The following KLRG1 variants were observed in gnomAD, a reference collection of about 807,000 sequenced individuals.
KLRG1 encodes killer cell lectin-like receptor subfamily G member 1.
A neutral mutation model predicts 21.8 loss-of-function variants in KLRG1; 16 were observed. The ratio of observed to expected loss-of-function variants is 0.73; its 90% CI spans 0.50 to 1.11. KLRG1 has a LOEUF of 1.11. Ranked by LOEUF, KLRG1 falls within the 50% of genes most tolerant of loss-of-function variation. The pLI, the probability that KLRG1 is intolerant of heterozygous loss-of-function variation, is 0.00. For missense variants in KLRG1, 173 were observed against 218.3 expected (o/e 0.79, Z 1.31); for synonymous variants, 69 against 75.9 (o/e 0.91, Z 0.47).
intron 3 of KLRG1, among the ~76,000 whole-genome samples, chr12:8,998,515 C>T (rs1025772297): frequency 6.6e-6 from 1 of 152,108 alleles, no homozygotes; most frequent in East Asian, 1.9e-4. Context: ...TGGCAAGACC[C>T]TGCCTCTACA....
chr12:9,203,839 C>T, the KLRG1 span: 17 of 1,613,940 alleles, frequency 1.1e-5, no homozygotes, highest in Non-Finnish European at 1.4e-5. Context: ...TTTTCCCTGC[C>T]AGACTCCAAG....
At chr12:8,952,813 C>T (rs1472364946) in intron 1 of KLRG1, among the ~76,000 whole-genome samples, 1 of 152,132 alleles carries the variant, frequency 6.6e-6, no homozygotes, top group Non-Finnish European at 1.5e-5. Flanking sequence ...AAAATTTTAT[C>T]ACGTTTCAAT....
At chr12:9,034,923 A>G in the KLRG1 span, among the ~76,000 whole-genome samples, 11 of 152,324 alleles carry the variant, frequency 7.2e-5, no homozygotes, top group South Asian at 2.1e-4. Context: ...TCCCAGTGGG[A>G]CAAGATAAGG....
At chr12:9,206,611 A>G in the KLRG1 span, among the ~76,000 whole-genome samples, 1 of 152,148 alleles carries the variant, frequency 6.6e-6, no homozygotes, top group East Asian at 1.9e-4. Context: ...TCTGAAGCTT[A>G]CTGCCCCAAG....
At chr12:9,200,314 TC>T in the KLRG1 span, 1 of 1,384,822 alleles carries the variant, frequency 7.2e-7, no homozygotes, top group South Asian at 1.2e-5. Flanking sequence ...ACATAATCCC[TC>T]AAAATTGAGG....
chr12:9,041,795 G>A, the KLRG1 span, among the ~76,000 whole-genome samples: 2 of 152,248 alleles, frequency 1.3e-5, 1 homozygote, highest in Middle Eastern at 6.8e-3. Context: ...CCCCATGCGA[G>A]ACCACTCACC....
chr12:9,048,044 T>G, the KLRG1 span, among the ~76,000 whole-genome samples: 230 of 152,272 alleles, frequency 1.5e-3, 1 homozygote, highest in African/African-American at 5.1e-3. Flanking sequence ...CACAGGATAT[T>G]TCATCCAACA....
At chr12:9,202,351 C>T in the KLRG1 span, 17 of 1,614,128 alleles carry the variant, frequency 1.1e-5, no homozygotes, top group African/African-American at 1.3e-4. Flanking sequence ...TTTTCATCCA[C>T]GGAGACAACA....
chr12:9,197,102 G>A, the KLRG1 span: 3 of 1,612,422 alleles, frequency 1.9e-6, no homozygotes, highest in African/African-American at 2.7e-5. Flanking sequence ...CAAGTCCTGG[G>A]ACAGGCTTCC....
the KLRG1 span, chr12:9,162,140 T>G: frequency 6.5e-6 from 1 of 153,744 alleles, no homozygotes. Flanking sequence ...TTTTGTTTTT[T>G]TCGTAGAGAC....
the KLRG1 span, among the ~76,000 whole-genome samples, chr12:9,166,568 C>T: frequency 3.3e-5 from 5 of 152,240 alleles, no homozygotes; most frequent in African/African-American, 1.2e-4. Flanking sequence ...GCTCTTTAGA[C>T]ATTGAGAGTG....
chr12:9,146,799 G>A, the KLRG1 span, among the ~76,000 whole-genome samples: 2 of 152,154 alleles, frequency 1.3e-5, no homozygotes, highest in Non-Finnish European at 2.9e-5. Context: ...AATCAATGCT[G>A]TCTTTCTCCC....
chr12:9,171,854 A>G, the KLRG1 span, among the ~76,000 whole-genome samples: 1 of 152,238 alleles, frequency 6.6e-6, no homozygotes, highest in Non-Finnish European at 1.5e-5. Flanking sequence ...AAAAGACCAA[A>G]CCTATGACTG....
chr12:9,132,192 C>T, the KLRG1 span, among the ~76,000 whole-genome samples: 32 of 152,210 alleles, frequency 2.1e-4, no homozygotes, highest in Non-Finnish European at 1.6e-4. Flanking sequence ...GGCCTTGGTC[C>T]TCATCAGCAT....
the KLRG1 span, chr12:9,074,901 G>T: frequency 9.6e-7 from 1 of 1,041,326 alleles, no homozygotes; most frequent in Non-Finnish European, 1.4e-6. Context: ...CCCCTGTACT[G>T]TATGTAGATG....
At chr12:9,118,709 T>C in the KLRG1 span, among the ~76,000 whole-genome samples, 5 of 152,240 alleles carry the variant, frequency 3.3e-5, no homozygotes, top group Non-Finnish European at 5.9e-5. Flanking sequence ...TAGGTCACAA[T>C]TGTGAAAATG....
At chr12:9,214,099 A>G in the KLRG1 span, among the ~76,000 whole-genome samples, 1 of 151,900 alleles carries the variant, frequency 6.6e-6, no homozygotes, top group African/African-American at 2.4e-5. Flanking sequence ...TCCTTTCCCC[A>G]TTAAATGTTC....
chr12:9,067,417 T>A, the KLRG1 span: 1 of 285,308 alleles, frequency 3.5e-6, no homozygotes, highest in African/African-American at 2.2e-5. Context: ...GTAAAAAGTC[T>A]TTTCTGGTGA....
intron 1 of KLRG1, among the ~76,000 whole-genome samples, chr12:8,951,027 G>A (rs1283228837): frequency 7.4e-6 from 1 of 134,348 alleles, no homozygotes; most frequent in Non-Finnish European, 1.7e-5. Context: ...GTTGGATGTT[G>A]CCCCAATAAA....
Sources: allele counts gnomAD v4.1 joint callset (sites outside exome capture counted in the v4.1 genomes callset), GRCh38; gene constraint gnomAD v4.1.1; transcripts MANE v1.5; gene names NCBI Gene and HGNC (gene_info 2026-07-23, HGNC 2026-07-21).